Variants in ZFAT observed in about 807,000 individuals in gnomAD.
ZFAT encodes the protein zinc finger and AT-hook domain containing.
ZFAT carries 64 observed loss-of-function variants against 117.7 expected under a neutral mutation model. The ratio of observed to expected loss-of-function variants is 0.54; its 90% confidence interval spans 0.44 to 0.67. The LOEUF (loss-of-function observed/expected upper bound fraction) is 0.67. Among genes scored for constraint, ZFAT ranks in the 30% least tolerant of loss-of-function variants. The pLI, the probability that ZFAT is intolerant of heterozygous loss-of-function variation, is 0.00. For missense variants in ZFAT, 1,433 were observed against 1,584.5 expected, an observed-to-expected ratio of 0.90 and a Z score of 1.62; for synonymous variants, 679 against 615.0, an observed-to-expected ratio of 1.10 and a Z score of -1.54.
chr8:134,562,494 C>A (rs1367973081), intron 11 of ZFAT, among the ~76,000 whole-genome samples: 1 of 152,084 alleles, frequency 6.6e-6, no homozygotes, highest in Non-Finnish European at 1.5e-5. Flanking sequence ...TTGTCAGTCC[C>A]AATTAATTGA....
At chr8:134,586,525 A>G (rs1826080879) in intron 9 of ZFAT, among the ~76,000 whole-genome samples, 1 of 152,226 alleles carries the variant, frequency 6.6e-6, no homozygotes, top group Admixed American at 6.5e-5. Flanking sequence ...TTACAGTTTG[A>G]TGCCTTTATA....
the ZFAT span, among the ~76,000 whole-genome samples, chr8:134,744,522 C>T: frequency 6.6e-6 from 1 of 151,644 alleles, no homozygotes; most frequent in Non-Finnish European, 1.5e-5. Context: ...TCTCAAACTC[C>T]TGACCTCAAG....
At chr8:134,564,942 C>T (rs185672110) in intron 11 of ZFAT, 2 of 1,211,230 alleles carry the variant, frequency 1.7e-6, no homozygotes, top group African/African-American at 1.6e-5. Flanking sequence ...TTTACAACTG[C>T]TTGCCGGGTG....
chr8:134,815,335 T>C, the ZFAT span, among the ~76,000 whole-genome samples: 1 of 152,260 alleles, frequency 6.6e-6, no homozygotes, highest in Non-Finnish European at 1.5e-5. Flanking sequence ...AACCTAGACT[T>C]GCTTTTGCTA....
chr8:134,703,974 A>C (rs975402641), intron 1 of ZFAT, among the ~76,000 whole-genome samples: 2 of 152,226 alleles, frequency 1.3e-5, no homozygotes. Flanking sequence ...ATCCTCCTCT[A>C]TGAAAACTCT....
intron 3 of ZFAT, among the ~76,000 whole-genome samples, chr8:134,616,412 A>T (rs926255226): frequency 1.3e-5 from 2 of 151,976 alleles, no homozygotes; most frequent in Non-Finnish European, 2.9e-5. Context: ...CACTTGACCC[A>T]CCTTTGTACT....
intron 15 of ZFAT, among the ~76,000 whole-genome samples, chr8:134,493,315 G>A (rs1818184708): frequency 6.7e-6 from 1 of 149,728 alleles, no homozygotes; most frequent in Non-Finnish European, 1.5e-5. Flanking sequence ...CTGGGCCTGA[G>A]GGGAACGGGA....
At chr8:134,796,562 C>T in the ZFAT span, 1 of 152,140 alleles carries the variant, frequency 6.6e-6, no homozygotes, top group African/African-American at 2.4e-5. Context: ...CATTGCACTG[C>T]CTCCTTAGGA....
At chr8:134,547,301 G>A (rs1822773536) in intron 11 of ZFAT, among the ~76,000 whole-genome samples, 1 of 152,210 alleles carries the variant, frequency 6.6e-6, no homozygotes, top group Non-Finnish European at 1.5e-5. Flanking sequence ...CGGATCAGAT[G>A]GATGATTTCT....
chr8:134,637,947 A>G (rs1432080057), intron 2 of ZFAT, among the ~76,000 whole-genome samples: 1 of 152,204 alleles, frequency 6.6e-6, no homozygotes, highest in African/African-American at 2.4e-5. Flanking sequence ...CCATCAGTTT[A>G]TCAGCATCGC....
At chr8:134,510,284 G>A (rs778624372) in intron 14 of ZFAT, 4 of 400,880 alleles carry the variant, frequency 1.0e-5, no homozygotes, top group Admixed American at 2.6e-5. Context: ...CTCTAAAGAC[G>A]GGATTCTGCA....
chr8:134,487,190 T>C (rs1245099170), intron 15 of ZFAT, among the ~76,000 whole-genome samples: 1 of 152,190 alleles, frequency 6.6e-6, no homozygotes, highest in African/African-American at 2.4e-5. Flanking sequence ...ATCTCCATCT[T>C]TAAATCTCAA....
chr8:134,643,356 T>C (rs1204676104), intron 2 of ZFAT, among the ~76,000 whole-genome samples: 9 of 152,234 alleles, frequency 5.9e-5, no homozygotes. Context: ...CTTTGACCTC[T>C]TCACTAAGTT....
At chr8:134,713,384 A>G (rs1814112965), upstream of ZFAT, among the ~76,000 whole-genome samples, 1 of 152,154 alleles carries the variant, frequency 6.6e-6, no homozygotes, top group South Asian at 2.1e-4. Flanking sequence ...ACCTCTCACT[A>G]CCTAACTTGG....
intron 3 of ZFAT, among the ~76,000 whole-genome samples, chr8:134,624,721 C>T (rs11166629): frequency 0.76 from 114,896 of 152,096 alleles, 43,699 homozygotes; most frequent in East Asian, 0.91. Flanking sequence ...GATTTGCGTC[C>T]GAATTTCTTA....
intron 9 of ZFAT, among the ~76,000 whole-genome samples, chr8:134,584,822 G>A (rs1295630023): frequency 1.3e-5 from 2 of 152,182 alleles, no homozygotes; most frequent in Non-Finnish European, 2.9e-5. Flanking sequence ...GAACAAACCT[G>A]CACATAGTAA....
intron 3 of ZFAT, among the ~76,000 whole-genome samples, chr8:134,627,402 G>C (rs964286220): frequency 3.9e-5 from 6 of 152,188 alleles, no homozygotes; most frequent in African/African-American, 1.4e-4. Context: ...TCAAATGGCT[G>C]CATTAGACGG....
At chr8:134,531,650 T>C (rs1367627007) in intron 12 of ZFAT, among the ~76,000 whole-genome samples, 1 of 152,188 alleles carries the variant, frequency 6.6e-6, no homozygotes, top group East Asian at 1.9e-4. Flanking sequence ...GCCAGAGACC[T>C]TCCCACTGCA....
At chr8:134,530,587 T>C (rs929869502) in intron 12 of ZFAT, among the ~76,000 whole-genome samples, 1 of 152,198 alleles carries the variant, frequency 6.6e-6, no homozygotes, top group Non-Finnish European at 1.5e-5. Flanking sequence ...GGTTGTCTCC[T>C]TCTTCAACAT....
Sources: gnomAD v4.1 joint callset for allele counts (sites outside exome capture counted in the v4.1 genomes callset) on GRCh38, gnomAD v4.1.1 for gene constraint, MANE v1.5 for transcripts, NCBI Gene and HGNC (gene_info 2026-07-23, HGNC 2026-07-21) for gene names.